PITPNC1: variants seen among roughly 807,000 people sequenced by gnomAD.
PITPNC1 encodes the protein phosphatidylinositol transfer protein cytoplasmic 1.
A neutral mutation model predicts 44.7 loss-of-function variants in PITPNC1; 18 were observed. The observed-to-expected ratio is 0.40, with a 90% CI of 0.28 to 0.60. PITPNC1 has a LOEUF of 0.60. Among genes scored for constraint, PITPNC1 ranks in the 20% least tolerant of loss-of-function variants. The pLI is 0.39. For synonymous variants in PITPNC1, 141 were observed against 149.6 expected (o/e 0.94, Z 0.42); for missense variants, 290 against 418.4 (o/e 0.69, Z 2.68).
intron 1 of PITPNC1, chr17:67,379,008 A>G: frequency 1.0e-6 from 1 of 985,428 alleles, no homozygotes; most frequent in Middle Eastern, 5.2e-4. Flanking sequence ...CGATCCTGCG[A>G]AGCCGCGAGC....
intron 4 of PITPNC1, among the ~76,000 whole-genome samples, chr17:67,569,972 G>A (rs1221067924): frequency 6.6e-6 from 1 of 152,182 alleles, no homozygotes; most frequent in Non-Finnish European, 1.5e-5. Context: ...GGAAGAAGAG[G>A]TGGAGAGGGA....
At chr17:67,672,374 T>A (rs35585710) in intron 7 of PITPNC1, among the ~76,000 whole-genome samples, 2,653 of 151,854 alleles carry the variant, frequency 0.017, 44 homozygotes, top group Non-Finnish European at 0.03. Context: ...GGCAGGCAGA[T>A]CACTTGAGGT....
intron 5 of PITPNC1, among the ~76,000 whole-genome samples, chr17:67,631,657 A>AAAG (rs1555574522): frequency 1.3e-4 from 1 of 7,682 alleles, no homozygotes; most frequent in Non-Finnish European, 2.9e-4. Context: ...AAAAAAAAAA[A>AAAG]ATATATATAT....
chr17:67,552,900 T>C (rs2040787494), intron 3 of PITPNC1, among the ~76,000 whole-genome samples: 1 of 152,020 alleles, frequency 6.6e-6, no homozygotes. Context: ...CCCTGTTTCC[T>C]CAATAATTCC....
At chr17:67,430,438 A>C (rs1002628497) in intron 1 of PITPNC1, among the ~76,000 whole-genome samples, 1 of 150,572 alleles carries the variant, frequency 6.6e-6, no homozygotes, top group Non-Finnish European at 1.5e-5. Context: ...CAGTGAGCTG[A>C]GATCATGCCA....
chr17:67,681,109 G>A (rs2042696304), intron 8 of PITPNC1, among the ~76,000 whole-genome samples: 1 of 152,194 alleles, frequency 6.6e-6, no homozygotes, highest in African/African-American at 2.4e-5. Context: ...AAGGGCATTT[G>A]TAGTTTCCAT....
intron 5 of PITPNC1, among the ~76,000 whole-genome samples, chr17:67,608,094 C>T (rs892129745): frequency 3.3e-5 from 5 of 152,096 alleles, no homozygotes; most frequent in South Asian, 2.1e-4. Context: ...ACGTAACCAT[C>T]GTGCAGTGCT....
chr17:67,378,371 C>T (rs2143769156), intron 1 of PITPNC1, among the ~76,000 whole-genome samples, 169 bp downstream of exon 1: 1 of 152,228 alleles, frequency 6.6e-6, no homozygotes, highest in South Asian at 2.1e-4. Flanking sequence ...CCACTTGTCA[C>T]CCCAGCGGGG....
At chr17:67,484,024 T>C (rs2039741325) in intron 1 of PITPNC1, among the ~76,000 whole-genome samples, 1 of 151,570 alleles carries the variant, frequency 6.6e-6, no homozygotes, top group South Asian at 2.1e-4. Context: ...GTTCAAGCGA[T>C]TCTCCTGCCT....
At position 67,597,657 on chromosome 17, in the gene PITPNC1, T is replaced by C. The variant is rs773416633; in HGVS notation, c.366+19400T>C. Reference sequence around the variant, plus strand: ...AGTCCTTTATTTTACATTTAAAAGATAGGATGCTTTTAATGGTGCCTTAAT... The same window carrying C: ...AGTCCTTTATTTTACATTTAAAAGACAGGATGCTTTTAATGGTGCCTTAAT... On this transcript the variant is annotated intron_variant, in intron 5 of 8. Coordinates refer to ENST00000581322, the MANE Select transcript of PITPNC1 (RefSeq NM_012417.4). The surrounding 1 kb of genome is among the most constrained non-coding windows in gnomAD (Gnocchi z 4.0). Among the ~76,000 whole-genome samples, 4 of 152,212 alleles carry C rather than the reference T, an allele frequency of 2.6e-5. No individual in the cohort carries two copies. The highest frequency in any genetic ancestry group is 9.6e-5 in the African/African-American group (4 of 41,454).
intron 5 of PITPNC1, among the ~76,000 whole-genome samples, chr17:67,628,721 A>G (rs950350060): frequency 6.6e-6 from 1 of 152,166 alleles, no homozygotes; most frequent in Non-Finnish European, 1.5e-5. Flanking sequence ...CTGCCAGTGC[A>G]AGGCCTGCAG....
intron 1 of PITPNC1, among the ~76,000 whole-genome samples, chr17:67,388,682 A>C (rs960415780): frequency 6.6e-6 from 1 of 151,966 alleles, no homozygotes. Context: ...TGCAGTGTGC[A>C]TGATCTCGAC....
chr17:67,381,996 G>A (rs1404764088), intron 1 of PITPNC1, among the ~76,000 whole-genome samples: 1 of 152,184 alleles, frequency 6.6e-6, no homozygotes, highest in Admixed American at 6.6e-5. Context: ...GAAGGGTTAG[G>A]TAATGTGCTC....
chr17:67,496,662 G>T (rs2039956397), intron 1 of PITPNC1, among the ~76,000 whole-genome samples: 1 of 152,146 alleles, frequency 6.6e-6, no homozygotes, highest in Non-Finnish European at 1.5e-5. Context: ...CACTCTGTGG[G>T]AGCGCTTCAG....
intron 6 of PITPNC1, among the ~76,000 whole-genome samples, chr17:67,639,883 A>C (rs2042073211): frequency 1.3e-5 from 2 of 152,162 alleles, no homozygotes; most frequent in South Asian, 4.1e-4. Flanking sequence ...ATATTGTCAT[A>C]TTTAGCTGTA....
intron 1 of PITPNC1, among the ~76,000 whole-genome samples, chr17:67,383,672 C>T (rs139380018): frequency 5.2e-4 from 79 of 152,330 alleles, no homozygotes; most frequent in African/African-American, 1.9e-3. Context: ...ATGAGCGTCT[C>T]TCAAGAGACG....
rs536516005 is a variant in PITPNC1 at position 67,593,589 on chromosome 17, A to T, written c.366+15332A>T. On this transcript the variant is annotated intron_variant, in intron 5 of 8. Transcript: ENST00000581322. ...AATTTTTACATTTTTAGTAGAGACG[A>T]GGTTTCACCGTGTTGGCCAGGCTGG... Among the ~76,000 whole-genome samples, 10 of 152,102 alleles carry T rather than the reference A, an allele frequency of 6.6e-5. No homozygotes were observed. In the South Asian group the frequency reaches 2.1e-3, roughly 32 times the overall value.
intron 5 of PITPNC1, among the ~76,000 whole-genome samples, chr17:67,622,993 A>G (rs2041852349): frequency 6.6e-6 from 1 of 151,780 alleles, no homozygotes; most frequent in South Asian, 2.1e-4. Context: ...GGTGCAGAGC[A>G]TGAGCGGGAC....
intron 1 of PITPNC1, among the ~76,000 whole-genome samples, chr17:67,386,807 CT>C (rs995904039): frequency 7.9e-5 from 12 of 152,188 alleles, no homozygotes; most frequent in African/African-American, 2.9e-4. Flanking sequence ...CACTTTTGCC[CT>C]GTATCAGAGA....
Sources: gnomAD v4.1 joint callset for allele counts (sites outside exome capture counted in the v4.1 genomes callset) on GRCh38, gnomAD v4.1.1 for gene constraint, Gnocchi (gnomAD v3.1) non-coding constraint, MANE v1.5 for transcripts, NCBI Gene and HGNC (gene_info 2026-07-23, HGNC 2026-07-21) for gene names.